The following FIRRM variants were observed in gnomAD, a reference collection of about 807,000 sequenced individuals.
FIRRM encodes FIGNL1 interacting regulator of recombination and mitosis.
At chr1:169,853,420 G>C in the FIRRM span, 2 of 389,888 alleles carry the variant, frequency 5.1e-6, no homozygotes, top group South Asian at 1.1e-4. Flanking sequence ...CCTGGAAAAA[G>C]CAGTAAATTC....
chr1:169,853,914 C>A, the FIRRM span: 1 of 893,556 alleles, frequency 1.1e-6, no homozygotes, highest in Non-Finnish European at 1.7e-6. Context: ...TAACTTAGAG[C>A]TCTAACAGAA....
At chr1:169,799,963 A>T in the FIRRM span, among the ~76,000 whole-genome samples, 1 of 152,138 alleles carries the variant, frequency 6.6e-6, no homozygotes, top group Admixed American at 6.5e-5. Flanking sequence ...GGTTCAAGCT[A>T]TTCTCCTGCC....
At chr1:169,809,206 T>G in the FIRRM span, among the ~76,000 whole-genome samples, 1 of 152,198 alleles carries the variant, frequency 6.6e-6, no homozygotes, top group Non-Finnish European at 1.5e-5. Flanking sequence ...AACTTTTTTC[T>G]TCTTGCTTCT....
chr1:169,845,253 A>T, the FIRRM span, among the ~76,000 whole-genome samples: 4 of 152,228 alleles, frequency 2.6e-5, no homozygotes, highest in African/African-American at 9.6e-5. Flanking sequence ...GTACATAATT[A>T]AAAAACACTT....
At chr1:169,843,442 T>C in the FIRRM span, among the ~76,000 whole-genome samples, 15,962 of 152,268 alleles carry the variant, frequency 0.1, 1,011 homozygotes, top group Admixed American at 0.18. Context: ...CTTTTTGTCC[T>C]AGCCATGTGA....
At chr1:169,842,676 A>G in the FIRRM span, 1 of 942,258 alleles carries the variant, frequency 1.1e-6, no homozygotes, top group African/African-American at 1.7e-5. Flanking sequence ...TAAGAACTTA[A>G]AGTACCTGTA....
the FIRRM span, chr1:169,849,706 C>G: frequency 2.3e-6 from 2 of 882,206 alleles, no homozygotes; most frequent in Middle Eastern, 2.6e-4. Flanking sequence ...TTCTGTATTG[C>G]AATCGGAAAA....
chr1:169,813,390 T>C, the FIRRM span, among the ~76,000 whole-genome samples: 1 of 152,228 alleles, frequency 6.6e-6, no homozygotes, highest in African/African-American at 2.4e-5. Context: ...TTATTGGCAC[T>C]ACCCACTGTT....
chr1:169,852,388 TATTAGTATAGTA>T, the FIRRM span: 339 of 277,446 alleles, frequency 1.2e-3, no homozygotes, highest in African/African-American at 7.3e-3. Flanking sequence ...TTTTGAGCAC[TATTAGTATAGTA>T]ATTAGTATAG....
the FIRRM span, chr1:169,849,469 T>C: frequency 6.0e-6 from 9 of 1,501,386 alleles, no homozygotes; most frequent in Non-Finnish European, 8.3e-6. Context: ...TGGTTTCTTT[T>C]CTCTATTATA....
chr1:169,798,902 T>C, the FIRRM span: 2 of 1,300,098 alleles, frequency 1.5e-6, no homozygotes, highest in Admixed American at 2.2e-5. Flanking sequence ...TACTAGTATC[T>C]TCCTTAATTA....
At chr1:169,847,728 T>C in the FIRRM span, 1 of 1,613,590 alleles carries the variant, frequency 6.2e-7, no homozygotes, top group Non-Finnish European at 8.5e-7. Flanking sequence ...AATTAGAGCT[T>C]CCTGACTATG....
chr1:169,820,448 G>T, the FIRRM span, among the ~76,000 whole-genome samples: 1 of 152,148 alleles, frequency 6.6e-6, no homozygotes, highest in Non-Finnish European at 1.5e-5. Flanking sequence ...GGAGTGCAAG[G>T]CCAAGTAATC....
chr1:169,830,720 AC>A, the FIRRM span: 2 of 1,613,942 alleles, frequency 1.2e-6, no homozygotes, highest in Non-Finnish European at 1.7e-6. Flanking sequence ...AACTGTGTGC[AC>A]ACCATGTCAC....
At chr1:169,811,974 A>T in the FIRRM span, among the ~76,000 whole-genome samples, 1 of 152,186 alleles carries the variant, frequency 6.6e-6, no homozygotes, top group South Asian at 2.1e-4. Flanking sequence ...ATTTTAAAGC[A>T]TTGAAAAATG....
chr1:169,823,487 A>C, the FIRRM span: 3 of 1,557,602 alleles, frequency 1.9e-6, no homozygotes, highest in South Asian at 3.5e-5. Context: ...GAAGAATGCC[A>C]TATGATTATT....
the FIRRM span, chr1:169,852,556 T>G: frequency 1.9e-6 from 1 of 536,888 alleles, no homozygotes; most frequent in Non-Finnish European, 3.3e-6. Context: ...GGATACTTGT[T>G]GTATACCACA....
chr1:169,853,964 T>G, the FIRRM span: 2 of 653,542 alleles, frequency 3.1e-6, no homozygotes, highest in Non-Finnish European at 5.1e-6. Context: ...CACTGGAAAA[T>G]AGCTTTTCAA....
chr1:169,827,043 C>G, the FIRRM span: 1 of 1,607,468 alleles, frequency 6.2e-7, no homozygotes, highest in South Asian at 1.1e-5. Flanking sequence ...TTTTCTCTCC[C>G]TTCCCAGCAA....
Sources: allele counts gnomAD v4.1 joint callset (sites outside exome capture counted in the v4.1 genomes callset), GRCh38; gene constraint gnomAD v4.1.1; transcripts MANE v1.5; gene names NCBI Gene and HGNC (gene_info 2026-07-23, HGNC 2026-07-21).